The following TMCO5A variants were observed in gnomAD, a reference collection of about 807,000 sequenced individuals.
TMCO5A encodes the protein transmembrane and coiled-coil domain-containing protein 5A.
A neutral mutation model predicts 42.3 loss-of-function variants in TMCO5A; 34 were observed. The ratio of observed to expected loss-of-function variants is 0.80; its 90% CI spans 0.61 to 1.07. TMCO5A has a LOEUF of 1.07. Ranked by LOEUF, TMCO5A falls within the 50% of genes least tolerant of loss-of-function variation. TMCO5A has a pLI of 0.00. For synonymous variants in TMCO5A, 131 were observed against 115.6 expected (o/e 1.13, Z -0.86); for missense variants, 357 against 327.9 (o/e 1.09, Z -0.69).
the TMCO5A span, among the ~76,000 whole-genome samples, chr15:38,026,485 G>A: frequency 1.3e-5 from 2 of 152,198 alleles, no homozygotes; most frequent in Non-Finnish European, 2.9e-5. Flanking sequence ...CTTGGGTGCT[G>A]TTAAAGGCAT....
the TMCO5A span, among the ~76,000 whole-genome samples, chr15:38,025,447 C>T: frequency 1.3e-5 from 2 of 152,088 alleles, no homozygotes; most frequent in Admixed American, 1.3e-4. Flanking sequence ...CTGCCTTCTT[C>T]TCTCCATCTT....
rs771588609 is a variant in TMCO5A at position 37,966,588 on chromosome 15, T to C, written c.669-37T>C. 1.7e-5 allele frequency: 12 copies of C among 702,786 alleles called. No individual in the cohort carries two copies. In the South Asian group the frequency reaches 1.8e-4, roughly 10 times the overall value. The allele number at this position is 702,786 out of a possible 1,614,324, so 43.5% of individuals were successfully genotyped here. A position where few individuals can be genotyped will look rare whatever the true frequency, so the allele number is the denominator to read the frequency against. ...GCTACAGCAAGAAACCTCAAAACAA[T>C]GTCTTGGGACATCATTTCTTTTTCT... On this transcript the variant is annotated intron_variant, in intron 11 of 11. Transcript: ENST00000559502.
At chr15:38,002,348 T>C in the TMCO5A span, among the ~76,000 whole-genome samples, 2 of 152,108 alleles carry the variant, frequency 1.3e-5, no homozygotes, top group African/African-American at 2.4e-5. Context: ...TATCACCTTC[T>C]TGTACTTAAA....
downstream of TMCO5A, among the ~76,000 whole-genome samples, chr15:37,953,968 A>G (rs1595602493): frequency 6.6e-6 from 1 of 151,956 alleles, no homozygotes; most frequent in East Asian, 1.9e-4. Context: ...AAGCAGAAGA[A>G]AGAATTAGTG....
chr15:37,992,102 C>T, the TMCO5A span, among the ~76,000 whole-genome samples: 1 of 152,098 alleles, frequency 6.6e-6, no homozygotes, highest in Non-Finnish European at 1.5e-5. Context: ...AACTATGTAT[C>T]TGACAAAGGT....
the TMCO5A span, among the ~76,000 whole-genome samples, chr15:38,024,255 C>T: frequency 2.6e-5 from 4 of 152,158 alleles, no homozygotes; most frequent in Non-Finnish European, 5.9e-5. Context: ...CTGGTGCTGT[C>T]GTACCTGTTC....
chr15:38,036,022 G>A, the TMCO5A span, among the ~76,000 whole-genome samples: 1 of 152,050 alleles, frequency 6.6e-6, no homozygotes, highest in Non-Finnish European at 1.5e-5. Flanking sequence ...AATGCCACTA[G>A]CCAAATGGGT....
At chr15:37,954,499 A>C (rs1890235961), downstream of TMCO5A, among the ~76,000 whole-genome samples, 1 of 152,130 alleles carries the variant, frequency 6.6e-6, no homozygotes, top group Non-Finnish European at 1.5e-5. Flanking sequence ...TTTCTAGACA[A>C]ACAAAATCTG....
At chr15:38,001,210 T>C in the TMCO5A span, among the ~76,000 whole-genome samples, 1 of 152,072 alleles carries the variant, frequency 6.6e-6, no homozygotes, top group Non-Finnish European at 1.5e-5. Context: ...TTTAAAATTC[T>C]TATATATCCT....
At chr15:38,023,553 C>T in the TMCO5A span, among the ~76,000 whole-genome samples, 5 of 152,200 alleles carry the variant, frequency 3.3e-5, no homozygotes, top group African/African-American at 1.2e-4. Flanking sequence ...ATGACCTAGC[C>T]TCAGTCATTT....
the TMCO5A span, among the ~76,000 whole-genome samples, chr15:37,998,583 A>G: frequency 6.6e-6 from 1 of 152,106 alleles, no homozygotes; most frequent in African/African-American, 2.4e-5. Context: ...CCAGTATCAT[A>G]TAGTTTGGTT....
the TMCO5A span, among the ~76,000 whole-genome samples, chr15:37,980,640 A>G: frequency 7.7e-6 from 1 of 130,366 alleles, no homozygotes; most frequent in Non-Finnish European, 1.5e-5. Context: ...ATCTTGGCAA[A>G]AAAAAAAAAA....
At chr15:38,018,985 T>C in the TMCO5A span, among the ~76,000 whole-genome samples, 3 of 152,116 alleles carry the variant, frequency 2.0e-5, no homozygotes, top group African/African-American at 7.2e-5. Context: ...GCAATCAAAA[T>C]TATCACTAAG....
At chr15:37,941,841 C>T (rs1189875063) in intron 8 of TMCO5A, 111 bp downstream of exon 8, 1 of 892,674 alleles carries the variant, frequency 1.1e-6, no homozygotes, top group Non-Finnish European at 1.8e-6. Context: ...TTCAAGGTGG[C>T]ACTACTAGGA....
chr15:37,973,205 AT>A, the TMCO5A span, among the ~76,000 whole-genome samples: 1 of 141,070 alleles, frequency 7.1e-6, no homozygotes, highest in Admixed American at 7.1e-5. Context: ...ACCTTGTAGT[AT>A]AGTTTGAAGT....
chr15:37,992,882 AC>A, the TMCO5A span, among the ~76,000 whole-genome samples: 2 of 152,178 alleles, frequency 1.3e-5, no homozygotes, highest in Non-Finnish European at 2.9e-5. Context: ...AGAAGCAGAA[AC>A]AAATAACTAT....
chr15:38,006,896 T>C, the TMCO5A span, among the ~76,000 whole-genome samples: 1 of 151,860 alleles, frequency 6.6e-6, no homozygotes, highest in African/African-American at 2.4e-5. Flanking sequence ...AGTAAATATT[T>C]GCAAGTCATA....
chr15:37,967,749 C>T (rs1595612837), downstream of TMCO5A: 1 of 152,142 alleles, frequency 6.6e-6, no homozygotes, highest in African/African-American at 2.4e-5. Flanking sequence ...TATTTGAACT[C>T]CTTCTTGAAG....
rs771181972 is a variant in TMCO5A, at chr15:37,941,156, T to A, written c.395T>A (p.Leu132Ter). 6.2e-7 allele frequency: 1 copy of A among 1,613,080 alleles called. No homozygotes were observed. Among genetic ancestry groups the A allele is most frequent in the Non-Finnish European group, 8.5e-7 (1 of 1,179,530 alleles). Residue 132 changes from leucine (L) to a stop codon, truncating the protein, a stop_gained, in exon 7 of 12, where the codon TTA becomes TAA. Transcript: ENST00000319669. LOFTEE classifies it high-confidence loss of function. ...DGALEETKVK[L>*]QQLEASYACQ... is the part of the protein sequence containing the mutation. ...CTCTTTTGCTTTCTTTAGGTTAAGT[T>A]ACAACAGCTGGAAGCTTCCTATGCA...
Sources: gnomAD v4.1 joint callset for allele counts (sites outside exome capture counted in the v4.1 genomes callset) on GRCh38, gnomAD v4.1.1 for gene constraint, MANE v1.5 for transcripts, NCBI Gene and HGNC (gene_info 2026-07-23, HGNC 2026-07-21) for gene names.